The following RAPGEF2 variants were observed in gnomAD, a reference collection of about 807,000 sequenced individuals.
The protein encoded by RAPGEF2 is Rap guanine nucleotide exchange factor 2, also known as PDZ domain containing guanine nucleotide exchange factor (GEF) 1.
Under a neutral mutation model 186.7 loss-of-function variants are expected in RAPGEF2, and 54 were observed. The observed-to-expected ratio is 0.29, with a 90% CI of 0.23 to 0.36. RAPGEF2 has a LOEUF of 0.36. Ranked by LOEUF, RAPGEF2 falls within the 10% of genes least tolerant of loss-of-function variation. The pLI is 1.00. For missense variants in RAPGEF2, 1,532 were observed against 2,045.0 expected (o/e 0.75, Z 4.84); for synonymous variants, 712 against 705.9 (o/e 1.01, Z -0.14).
At chr4:159,154,048 A>C (rs1383723066) in intron 1 of RAPGEF2, among the ~76,000 whole-genome samples, 1 of 152,228 alleles carries the variant, frequency 6.6e-6, no homozygotes, top group Non-Finnish European at 1.5e-5. Context: ...CAAGTTGATT[A>C]ACTTCTTTAG....
intron 1 of RAPGEF2, among the ~76,000 whole-genome samples, chr4:159,152,100 C>A (rs1392619489): frequency 6.6e-6 from 1 of 152,136 alleles, no homozygotes; most frequent in Non-Finnish European, 1.5e-5. Flanking sequence ...GGCAGGCATA[C>A]TGCTTGAGCT....
intron 1 of RAPGEF2, among the ~76,000 whole-genome samples, chr4:159,127,078 G>A (rs1740403523): frequency 6.6e-6 from 1 of 152,216 alleles, no homozygotes; most frequent in Non-Finnish European, 1.5e-5. Context: ...CCAGGCTGGA[G>A]TGCAGTGGTG....
chr4:159,341,524 T>A (rs200841602), intron 19 of RAPGEF2, 40 bp from the exon 20 acceptor site: 2 of 1,526,924 alleles, frequency 1.3e-6, no homozygotes, highest in Admixed American at 4.4e-5. Flanking sequence ...ATGAGATTGC[T>A]GCTTAGGCTT....
chr4:159,113,556 C>T (rs1390721854), intron 1 of RAPGEF2, among the ~76,000 whole-genome samples: 12 of 151,986 alleles, frequency 7.9e-5, no homozygotes, highest in African/African-American at 9.7e-5. Flanking sequence ...GCCTGGCCAA[C>T]ATGGCGAAAC....
At chr4:159,248,787 A>G (rs770092701) in intron 7 of RAPGEF2, among the ~76,000 whole-genome samples, 2 of 152,256 alleles carry the variant, frequency 1.3e-5, no homozygotes, top group African/African-American at 4.8e-5. Context: ...TTCTCATGCT[A>G]TTAACAGCAT....
In RAPGEF2 at chr4:159,353,220, G is replaced by A. The variant is rs976012900; in HGVS notation, c.4092-267G>A. On this transcript the variant is annotated intron_variant, in intron 27 of 29. Coordinates refer to ENST00000691494, the MANE Select transcript of RAPGEF2 (RefSeq NM_001394067.2). This position sits in a 1 kb window ranked among gnomAD's most constrained non-coding sequence, Gnocchi z 4.3. Reference sequence around the variant, plus strand: ...TCCTGAAATAATCAAATTATATTGAGCCACCCTTAATGTTGTCGGGGAATT... The same window carrying A: ...TCCTGAAATAATCAAATTATATTGAACCACCCTTAATGTTGTCGGGGAATT... 6.7e-6 allele frequency among the ~76,000 whole-genome samples: 1 copy of A among 149,524 alleles called. No homozygotes were observed. Among genetic ancestry groups the A allele is most frequent in the Non-Finnish European group, 1.5e-5 (1 of 67,668 alleles).
chr4:159,352,408 G>A, intron 26 of RAPGEF2: 1 of 335,972 alleles, frequency 3.0e-6, no homozygotes, highest in South Asian at 5.2e-5. Context: ...TATAGGTAAG[G>A]GAGCTAAGAA....
chr4:159,104,060 C>A lies in RAPGEF2; in HGVS notation c.-103C>A. 3.6e-6 allele frequency: 2 copies of A among 555,944 alleles called. No individual in the cohort carries two copies. Among genetic ancestry groups the A allele is most frequent in the Non-Finnish European group, 4.8e-6 (2 of 418,090 alleles). 34.4% of individuals were successfully genotyped at this position (555,944 alleles called of 1,614,324 possible). A position where few individuals can be genotyped will look rare whatever the true frequency, so the allele number is the denominator to read the frequency against. On this transcript the variant is annotated 5_prime_UTR_variant, in exon 1 of 30. Transcript: ENST00000691494. ...CGCGGTTTGGCTGATTAGTCGCGGG[C>A]GGGCGGGCGGGCGCAGCGCGCAGGG...
intron 3 of RAPGEF2, among the ~76,000 whole-genome samples, chr4:159,201,920 G>A (rs188255358): frequency 2.6e-4 from 40 of 152,210 alleles, no homozygotes; most frequent in South Asian, 6.2e-4. Flanking sequence ...AATAGCCCTC[G>A]ATGATGATTC....
chr4:159,134,216 C>T (rs1363969169), intron 1 of RAPGEF2, among the ~76,000 whole-genome samples: 3 of 152,124 alleles, frequency 2.0e-5, no homozygotes, highest in Non-Finnish European at 2.9e-5. Flanking sequence ...ATGTCTTGTA[C>T]TGTACATGGA....
chr4:159,257,480 G>A (rs1200571560), intron 7 of RAPGEF2, among the ~76,000 whole-genome samples: 6 of 152,096 alleles, frequency 3.9e-5, no homozygotes, highest in South Asian at 2.1e-4. Context: ...TGATTTAATC[G>A]TCTCCTACCA....
rs1767774318 is a variant in RAPGEF2, at chr4:159,338,386, G to A, written c.2211G>A (p.Leu737=). Reference sequence around the variant, plus strand: ...AGACAAAGCACATCCCAACTGCATTGCCTGTCAGTGGAACCTTATCATCCA... The same window carrying A: ...AGACAAAGCACATCCCAACTGCATTACCTGTCAGTGGAACCTTATCATCCA... ...LRQTKHIPTA[L]PVSGTLSSSN... Residue 737 remains leucine, a synonymous_variant, in exon 18 of 30, where the codon TTG becomes TTA. Transcript: ENST00000691494. 6.2e-7 allele frequency: 1 copy of A among 1,613,988 alleles called. No homozygotes were observed. Among genetic ancestry groups the A allele is most frequent in the Non-Finnish European group, 8.5e-7 (1 of 1,179,962 alleles).
Position 159,353,426 on chromosome 4 carries a change from A to T in RAPGEF2, c.4092-61A>T, listed in dbSNP as rs1440474295. On this transcript the variant is annotated intron_variant, in intron 27 of 29. Transcript: ENST00000691494. The surrounding 1 kb of genome is among the most constrained non-coding windows in gnomAD (Gnocchi z 4.3). ...GGAAAAAGGGTATTTTGGTTTTATC[A>T]TAGGTGAATTAGTTATCAATCTTGT... 3.0e-6 allele frequency: 4 copies of T among 1,333,718 alleles called. No individual in the cohort carries two copies. Among genetic ancestry groups the T allele is most frequent in the Non-Finnish European group, 2.0e-6 (2 of 1,006,088 alleles). 82.6% of individuals were successfully genotyped at this position (1,333,718 alleles called of 1,614,324 possible). A position where few individuals can be genotyped will look rare whatever the true frequency, so the allele number is the denominator to read the frequency against.
At chr4:159,224,721 A>G (rs1317005398) in intron 4 of RAPGEF2, among the ~76,000 whole-genome samples, 2 of 152,218 alleles carry the variant, frequency 1.3e-5, no homozygotes, top group African/African-American at 4.8e-5. Context: ...AGGTAGAGCA[A>G]TAGAAGAAGA....
chr4:159,203,371 A>G (rs1468717136), intron 3 of RAPGEF2, among the ~76,000 whole-genome samples: 2 of 152,164 alleles, frequency 1.3e-5, no homozygotes, highest in Non-Finnish European at 2.9e-5. Flanking sequence ...TATTGGGGGT[A>G]CTTAAGAGTT....
chr4:159,302,052 G>A lies in RAPGEF2; in HGVS notation c.544-2290G>A, dbSNP rs377147756. 5.1e-4 allele frequency among the ~76,000 whole-genome samples: 78 copies of A among 152,204 alleles called. 1 individual carries two copies. The South Asian group carries it at 0.016, about 31-fold the overall frequency. On this transcript the variant is annotated intron_variant, in intron 7 of 29. Transcript: ENST00000691494. The stretch of plus-strand genomic sequence containing the variant: ...ATATAATTGAATTTTTAAAAGCAAC[G>A]ATATTTCTTTCTCTTTTGACAGTCT...
chr4:159,313,733 A>G (rs1005766442), intron 8 of RAPGEF2, among the ~76,000 whole-genome samples: 1 of 152,108 alleles, frequency 6.6e-6, no homozygotes, highest in Non-Finnish European at 1.5e-5. Flanking sequence ...TGTAGTTAAT[A>G]TTTAATTGAA....
chr4:159,270,310 G>A (rs1348459841), intron 7 of RAPGEF2, among the ~76,000 whole-genome samples: 1 of 152,126 alleles, frequency 6.6e-6, no homozygotes, highest in Non-Finnish European at 1.5e-5. Flanking sequence ...TAGTTACTCA[G>A]GCTCTCAATA....
chr4:159,183,177 C>G (rs1396872790), intron 1 of RAPGEF2, among the ~76,000 whole-genome samples: 1 of 152,198 alleles, frequency 6.6e-6, no homozygotes, highest in Non-Finnish European at 1.5e-5. Context: ...CAAAACTTAA[C>G]TACCAAAGCT....
Sources: gnomAD v4.1 joint callset for allele counts (sites outside exome capture counted in the v4.1 genomes callset) on GRCh38, gnomAD v4.1.1 for gene constraint, Gnocchi (gnomAD v3.1) non-coding constraint, MANE v1.5 for transcripts, NCBI Gene and HGNC (gene_info 2026-07-23, HGNC 2026-07-21) for gene names.